The following COL6A5 variants were observed in gnomAD, a reference collection of about 807,000 sequenced individuals.
The protein encoded by COL6A5 is collagen type VI alpha 5 chain, also known as collagen alpha-5(VI) chain.
A neutral mutation model predicts 65.6 loss-of-function variants in COL6A5; 48 were observed. The ratio of observed to expected loss-of-function variants is 0.73; its 90% CI spans 0.58 to 0.93. COL6A5 has a LOEUF of 0.93. Ranked by LOEUF, COL6A5 falls within the 40% of genes least tolerant of loss-of-function variation. The pLI, the probability that COL6A5 is intolerant of heterozygous loss-of-function variation, is 0.00. For synonymous variants in COL6A5, 291 were observed against 322.8 expected (o/e 0.90, Z 1.05); for missense variants, 914 against 928.3 (o/e 0.98, Z 0.20).
intron 10 of COL6A5, among the ~76,000 whole-genome samples, chr3:130,400,820 C>T (rs2198387): frequency 0.24 from 36,331 of 152,134 alleles, 5,750 homozygotes; most frequent in East Asian, 0.61. Flanking sequence ...TTTCATGCGA[C>T]GGTCAGGGAC....
chr3:130,372,440 A>G (rs1282437483), intron 1 of COL6A5, among the ~76,000 whole-genome samples: 1 of 151,994 alleles, frequency 6.6e-6, no homozygotes, highest in African/African-American at 2.4e-5. Context: ...TTAATGTTTT[A>G]AATTATATAT....
intron 1 of COL6A5, among the ~76,000 whole-genome samples, chr3:130,364,794 CTAATAT>C (rs1935270831): frequency 6.6e-6 from 1 of 152,152 alleles, no homozygotes; most frequent in Non-Finnish European, 1.5e-5. Context: ...AATAGAGGCC[CTAATAT>C]TGGATATCCC....
chr3:130,413,557 C>T lies in COL6A5; in HGVS notation c.4675C>T (p.Gln1559Ter), dbSNP rs190283135. The T allele has an allele frequency of 1.4e-3, 2,129 of 1,549,156 alleles. 47 individuals carry two copies. The highest frequency in any genetic ancestry group is 5.4e-3 in the Admixed American group (274 of 50,918). ...TTTTCTGTCCCAGGGAAGAGAAGGTCAAAGGGGACTCCGAGGTGTCTCAGT... is the reference window on the plus strand; with the variant it reads ...TTTTCTGTCCCAGGGAAGAGAAGGTTAAAGGGGACTCCGAGGTGTCTCAGT... Residue 1559 changes from glutamine (Q) to a stop codon, truncating the protein, a stop_gained and NMD_transcript_variant, in exon 21 of 42, where the codon CAA (glutamine) becomes TAA (stop). Coordinates refer to the COL6A5 transcript ENST00000312481.
chr3:130,366,621 A>C (rs1935350032), intron 1 of COL6A5, among the ~76,000 whole-genome samples: 1 of 152,218 alleles, frequency 6.6e-6, no homozygotes, highest in African/African-American at 2.4e-5. Context: ...AAGTTGTAGA[A>C]GACTTTAGAG....
At chr3:130,380,354 C>T (rs928697209) in intron 4 of COL6A5, among the ~76,000 whole-genome samples, 10 of 152,082 alleles carry the variant, frequency 6.6e-5, no homozygotes, top group Admixed American at 4.6e-4. Flanking sequence ...ATAGAATCAC[C>T]TGTAATTCTA....
intron 7 of COL6A5, 68 bp from the exon 8 acceptor site, chr3:130,394,822 G>A (rs1371101499): frequency 2.6e-6 from 3 of 1,143,050 alleles, no homozygotes; most frequent in African/African-American, 3.1e-5. Context: ...AGCAATTTAA[G>A]TATATGAGGA....
intron 4 of COL6A5, among the ~76,000 whole-genome samples, chr3:130,446,435 A>G (rs898277977): frequency 6.6e-6 from 1 of 152,206 alleles, no homozygotes; most frequent in Non-Finnish European, 1.5e-5. Context: ...GTGCTGAAGG[A>G]GGAAGAGAAG....
intron 1 of COL6A5, among the ~76,000 whole-genome samples, chr3:130,434,336 TTGATG>T (rs1190085665): frequency 6.6e-6 from 1 of 152,256 alleles, no homozygotes; most frequent in African/African-American, 2.4e-5. Flanking sequence ...CAGTCTATCA[TTGATG>T]GGCATTTGGG....
intron 7 of COL6A5, among the ~76,000 whole-genome samples, chr3:130,393,922 T>G (rs1229814100): frequency 6.6e-6 from 1 of 152,220 alleles, no homozygotes; most frequent in Non-Finnish European, 1.5e-5. Context: ...GTTTACCGCC[T>G]GCCCATACTC....
chr3:130,351,474 A>G (rs1453854295), intron 1 of COL6A5, among the ~76,000 whole-genome samples: 1 of 152,200 alleles, frequency 6.6e-6, no homozygotes, highest in East Asian at 1.9e-4. Flanking sequence ...CAAGAAAAAA[A>G]CCCCATCAAA....
intron 1 of COL6A5, among the ~76,000 whole-genome samples, chr3:130,354,339 A>G (rs1356960689): frequency 6.6e-6 from 1 of 152,172 alleles, no homozygotes; most frequent in Non-Finnish European, 1.5e-5. Flanking sequence ...GCCACATTCT[A>G]TATGTGGCTT....
At chr3:130,455,603 C>A (rs1163446385) in exon 5 of COL6A5, 1 of 1,612,844 alleles carries the variant, frequency 6.2e-7, no homozygotes, top group Non-Finnish European at 8.5e-7. Context: ...GTTTGAGCCA[C>A]AAAAATTAAT....
chr3:130,412,287 A>G (rs1228838891), intron 20 of COL6A5, among the ~76,000 whole-genome samples: 2 of 152,140 alleles, frequency 1.3e-5, no homozygotes, highest in African/African-American at 4.8e-5. Flanking sequence ...ATTTTTCCAG[A>G]TGGAAAAAAT....
exon 1 of COL6A5, chr3:130,345,810 GGA>G (rs1934442776): frequency 0.011 from 9 of 814 alleles, no homozygotes; most frequent in Non-Finnish European, 0.065. Context: ...TGTGCGGCGC[GGA>G]CCAGGGCGTG....
At chr3:130,353,125 T>C (rs1190393163) in intron 1 of COL6A5, among the ~76,000 whole-genome samples, 1 of 152,118 alleles carries the variant, frequency 6.6e-6, no homozygotes, top group Non-Finnish European at 1.5e-5. Flanking sequence ...AATCAAAAGC[T>C]TTTTTATAAA....
chr3:130,385,291 T>A, exon 5 of COL6A5: 14 of 1,550,914 alleles, frequency 9.0e-6, no homozygotes, highest in Non-Finnish European at 1.2e-5. Flanking sequence ...AAGAAAGGGT[T>A]AGCTTTGGGC....
chr3:130,430,783 A>G (rs141590357), upstream of COL6A5, among the ~76,000 whole-genome samples: 2 of 152,252 alleles, frequency 1.3e-5, no homozygotes, highest in African/African-American at 4.8e-5. Context: ...CAGCCTCTTT[A>G]TCCTCTGAAT....
chr3:130,477,096 C>G (rs555412595), intron 7 of COL6A5: 1 of 1,512,968 alleles, frequency 6.6e-7, no homozygotes, highest in East Asian at 2.5e-5. Context: ...AGTAATTAAT[C>G]CAATACTTTC....
intron 4 of COL6A5, among the ~76,000 whole-genome samples, chr3:130,380,549 T>C (rs1935962605): frequency 6.6e-6 from 1 of 152,164 alleles, no homozygotes; most frequent in East Asian, 1.9e-4. Context: ...ATCAGTGCTG[T>C]CCAACAGCCC....
Sources: allele counts gnomAD v4.1 joint callset (sites outside exome capture counted in the v4.1 genomes callset), GRCh38; gene constraint gnomAD v4.1.1; transcripts MANE v1.5; gene names NCBI Gene and HGNC (gene_info 2026-07-23, HGNC 2026-07-21).